The following FGF14 variants were observed in gnomAD, a reference collection of about 807,000 sequenced individuals.
The protein encoded by FGF14 is fibroblast growth factor 14.
In FGF14, 5 loss-of-function variants were observed where a neutral mutation model predicts 25.5. The observed-to-expected ratio is 0.20, with a 90% CI of 0.10 to 0.41. The LOEUF is 0.41. Among genes scored for constraint, FGF14 ranks in the 10% least tolerant of loss-of-function variants. The probability of loss-of-function intolerance (pLI) is 1.00; values close to 1 mark genes in which losing one functional copy is unlikely to be tolerated. For missense variants in FGF14, 222 were observed against 320.1 expected, an observed-to-expected ratio of 0.69 and a Z score of 2.34; for synonymous variants, 138 against 118.3, an observed-to-expected ratio of 1.17 and a Z score of -1.08.
chr13:102,103,491 G>C (rs950127093), intron 1 of FGF14, among the ~76,000 whole-genome samples: 1 of 151,724 alleles, frequency 6.6e-6, no homozygotes, highest in Non-Finnish European at 1.5e-5. Context: ...ATGGTACAGT[G>C]CACCTCAGGT....
At chr13:101,758,696 C>G (rs1927712) in intron 3 of FGF14, among the ~76,000 whole-genome samples, 33,117 of 151,912 alleles carry the variant, frequency 0.22, 4,149 homozygotes, top group East Asian at 0.6. Context: ...TGGTTGGCAA[C>G]AAATCGAAAA....
At chr13:101,725,127 G>A (rs942679580) in intron 4 of FGF14, among the ~76,000 whole-genome samples, 1 of 152,034 alleles carries the variant, frequency 6.6e-6, no homozygotes, top group African/African-American at 2.4e-5. Flanking sequence ...CATAAAATGA[G>A]TGAAAAGAGA....
chr13:101,816,150 G>C (rs964032174), intron 3 of FGF14, among the ~76,000 whole-genome samples: 1 of 151,104 alleles, frequency 6.6e-6, no homozygotes, highest in South Asian at 2.1e-4. Context: ...GGCGCCTGTA[G>C]TCCCAGCTAC....
intron 3 of FGF14, among the ~76,000 whole-genome samples, chr13:101,863,746 A>G (rs2044550122): frequency 6.6e-6 from 1 of 152,176 alleles, no homozygotes; most frequent in Non-Finnish European, 1.5e-5. Flanking sequence ...CCTAAACTTG[A>G]GCAACGAAGA....
chr13:102,014,219 A>T (rs2040222593), intron 1 of FGF14, among the ~76,000 whole-genome samples: 1 of 152,062 alleles, frequency 6.6e-6, no homozygotes, highest in Non-Finnish European at 1.5e-5. Context: ...TAAAACTTAA[A>T]GTATAATAAT....
At chr13:101,821,228 G>T (rs932403688) in intron 3 of FGF14, among the ~76,000 whole-genome samples, 35 of 152,174 alleles carry the variant, frequency 2.3e-4, no homozygotes, top group Non-Finnish European at 4.6e-4. Flanking sequence ...GATTACAGGC[G>T]TGAGCCACTG....
intron 1 of FGF14, among the ~76,000 whole-genome samples, chr13:101,886,155 C>T (rs182957158): frequency 1.5e-3 from 226 of 152,222 alleles, no homozygotes; most frequent in African/African-American, 5.2e-3. Context: ...TGGAAAACAG[C>T]TCAGCATCAA....
In FGF14 at chr13:102,200,968, G is replaced by A. The variant is rs545866800; in HGVS notation, c.208+200503C>T. Among the ~76,000 whole-genome samples the A allele has an allele frequency of 4.4e-3, 664 of 152,012 alleles. 2 individuals carry two copies. The highest frequency in any genetic ancestry group is 0.015 in the African/African-American group (632 of 41,484). ...ACACAAAAAATTAGCCAGGCGTGGT[G>A]GGGGGCGCCTGTAGTCCCAGCTACT... On this transcript the variant is annotated intron_variant, in intron 1 of 4. Coordinates refer to the FGF14 transcript ENST00000376131.
At position 101,916,053 on chromosome 13, in the gene FGF14, C is replaced by T. The variant is rs563924468; in HGVS notation, c.193+400G>A. On this transcript the variant is annotated intron_variant, in intron 1 of 4. Transcript: ENST00000376143. ...GAGGCCAGGCCCACCCCATGGAAAC[C>T]CCCACCAGCTCAGATCAGACTGCGA... Among the ~76,000 whole-genome samples the T allele has an allele frequency of 2.6e-5, 4 of 152,336 alleles. No individual in the cohort carries two copies. The South Asian group carries it at 8.3e-4, about 32-fold the overall frequency.
At position 102,362,621 on chromosome 13, in the gene FGF14, T is replaced by C. The variant is rs565375012; in HGVS notation, c.208+38850A>G. ...CAGGCAAAATCAGCTGTTACCTCTATGTACAATAGCACTTTGTTGACTTAG... is the reference window on the plus strand; with the variant it reads ...CAGGCAAAATCAGCTGTTACCTCTACGTACAATAGCACTTTGTTGACTTAG... On this transcript the variant is annotated intron_variant, in intron 1 of 4. Transcript: ENST00000376131. 5.9e-5 allele frequency among the ~76,000 whole-genome samples: 9 copies of C among 152,328 alleles called. No homozygotes were observed. The East Asian group carries it at 1.7e-3, about 29-fold the overall frequency.
intron 3 of FGF14, among the ~76,000 whole-genome samples, chr13:101,804,645 T>G (rs1467437313): frequency 6.6e-6 from 1 of 152,150 alleles, no homozygotes; most frequent in African/African-American, 2.4e-5. Context: ...AGATTTAAGT[T>G]GTAACTGTAT....
chr13:102,352,385 G>C (rs1001891145), intron 1 of FGF14, among the ~76,000 whole-genome samples: 13 of 152,144 alleles, frequency 8.5e-5, no homozygotes, highest in African/African-American at 3.1e-4. Flanking sequence ...GGAAAACATG[G>C]GGGGAATTTT....
intron 1 of FGF14, among the ~76,000 whole-genome samples, chr13:102,336,305 G>A (rs767981029): frequency 5.9e-5 from 9 of 152,138 alleles, no homozygotes; most frequent in Non-Finnish European, 8.8e-5. Flanking sequence ...TGCTGGTATG[G>A]AGAAAGTTTT....
At chr13:101,905,502 T>C (rs2032127065) in intron 1 of FGF14, among the ~76,000 whole-genome samples, 1 of 151,384 alleles carries the variant, frequency 6.6e-6, no homozygotes, top group Non-Finnish European at 1.5e-5. Context: ...AGTTGGACAA[T>C]GAGAACACAT....
intron 1 of FGF14, among the ~76,000 whole-genome samples, chr13:102,108,997 T>G (rs1398570131): frequency 2.0e-5 from 3 of 151,960 alleles, no homozygotes; most frequent in Admixed American, 2.0e-4. Flanking sequence ...CTAGGTTTCA[T>G]GATGGTCATG....
intron 3 of FGF14, among the ~76,000 whole-genome samples, chr13:101,865,158 G>A (rs1204700037): frequency 6.6e-6 from 1 of 152,082 alleles, no homozygotes; most frequent in African/African-American, 2.4e-5. Context: ...CTGCCCTGAT[G>A]ATGAATGACA....
chr13:102,101,854 GCCA>G (rs1370838316), intron 1 of FGF14, among the ~76,000 whole-genome samples: 1 of 152,004 alleles, frequency 6.6e-6, no homozygotes, highest in Non-Finnish European at 1.5e-5. Context: ...ACAGATGCAC[GCCA>G]CCACACCATT....
chr13:101,963,844 T>C (rs2037019405), intron 1 of FGF14, among the ~76,000 whole-genome samples: 1 of 152,224 alleles, frequency 6.6e-6, no homozygotes. Flanking sequence ...TTTGAGATTA[T>C]GAGGATTTTT....
chr13:102,125,091 T>C (rs1416810853), intron 1 of FGF14, among the ~76,000 whole-genome samples: 1 of 152,154 alleles, frequency 6.6e-6, no homozygotes, highest in Non-Finnish European at 1.5e-5. Flanking sequence ...TTTGAAAAAC[T>C]TTAAACTGTG....
Sources: gnomAD v4.1 joint callset for allele counts (sites outside exome capture counted in the v4.1 genomes callset) on GRCh38, gnomAD v4.1.1 for gene constraint, MANE v1.5 for transcripts, NCBI Gene and HGNC (gene_info 2026-07-23, HGNC 2026-07-21) for gene names.